Variants in MEI1 observed in about 807,000 individuals in gnomAD.
MEI1 encodes the protein meiotic double-stranded break formation protein 1, also known as meiosis inhibitor protein 1.
Under a neutral mutation model 146.2 loss-of-function variants are expected in MEI1, and 103 were observed. That is an observed-to-expected ratio of 0.70 (90% confidence interval 0.60 to 0.83). The LOEUF (loss-of-function observed/expected upper bound fraction) is 0.83, where lower values mean the gene tolerates loss of function less well. Among genes scored for constraint, MEI1 ranks in the 40% least tolerant of loss-of-function variants. MEI1 has a pLI of 0.00. For synonymous variants in MEI1, 652 were observed against 628.2 expected, an observed-to-expected ratio of 1.04 and a Z score of -0.57; for missense variants, 1,529 against 1,533.0, an observed-to-expected ratio of 1.00 and a Z score of 0.04.
intron 19 of MEI1, among the ~76,000 whole-genome samples, chr22:41,765,986 G>C (rs975932339): frequency 6.8e-6 from 1 of 147,540 alleles, no homozygotes; most frequent in African/African-American, 2.5e-5. Flanking sequence ...CGCCTCCCGG[G>C]TTCATACCAT....
intron 6 of MEI1, among the ~76,000 whole-genome samples, chr22:41,718,631 G>A (rs1003206248): frequency 2.6e-5 from 4 of 152,156 alleles, no homozygotes; most frequent in Admixed American, 6.6e-5. Flanking sequence ...CTGGCCTCCA[G>A]GGTAAAGCCT....
At chr22:41,723,024 G>T (rs1004840898) in intron 6 of MEI1, among the ~76,000 whole-genome samples, 1 of 152,030 alleles carries the variant, frequency 6.6e-6, no homozygotes. Flanking sequence ...GTTGTTCTCT[G>T]TATCTGGAAT....
chr22:41,794,400 C>T lies in MEI1; in HGVS notation c.3457C>T (p.Arg1153Trp), dbSNP rs1308374741. Residue 1153 changes from arginine (R) to tryptophan (W), a missense_variant, in exon 28 of 31, where the codon CGG (arginine) becomes TGG (tryptophan). Transcript: ENST00000401548. ...ALHVASQPWN[R>W]FLLFTLLDAG... is the part of the protein sequence containing the mutation. ...CCACGTGGCCTCCCAGCCTTGGAATCGGTTTTTGCTGTTTACCCTCTTGGA... is the reference window on the plus strand; with the variant it reads ...CCACGTGGCCTCCCAGCCTTGGAATTGGTTTTTGCTGTTTACCCTCTTGGA... 2.5e-6 allele frequency: 4 copies of T among 1,613,862 alleles called. No individual in the cohort carries two copies. Among genetic ancestry groups the T allele is most frequent in the South Asian group, 1.1e-5 (1 of 91,080 alleles).
chr22:41,796,181 T>C (rs1174830217), intron 30 of MEI1, among the ~76,000 whole-genome samples: 1 of 151,962 alleles, frequency 6.6e-6, no homozygotes, highest in Non-Finnish European at 1.5e-5. Context: ...ATTTTACATA[T>C]ATATATATTT....
At chr22:41,766,267 G>A (rs2074849659) in intron 19 of MEI1, among the ~76,000 whole-genome samples, 2 of 151,766 alleles carry the variant, frequency 1.3e-5, no homozygotes, top group African/African-American at 4.8e-5. Flanking sequence ...TCTGCCTCGG[G>A]TTCAAGCAAT....
rs201189446 is a variant in MEI1, at chr22:41,717,913, GT to G, written c.530-155del. Among the ~76,000 whole-genome samples, 874 of 152,306 alleles carry G rather than the reference GT, an allele frequency of 5.7e-3. 7 individuals are homozygous for G. The highest frequency in any genetic ancestry group is 0.02 in the African/African-American group (826 of 41,560). ...TTACAGGTGTGAGTTACTGTGCCCA[GT>G]TTGGTTTTGCCTTTAGATTAAGCAT... is the stretch of plus-strand genomic sequence containing the variant. On this transcript the variant is annotated intron_variant, in intron 5 of 30. Coordinates refer to ENST00000401548, the MANE Select transcript of MEI1 (RefSeq NM_152513.4).
chr22:41,787,264 G>T (rs2076024633), intron 26 of MEI1, among the ~76,000 whole-genome samples: 1 of 152,092 alleles, frequency 6.6e-6, no homozygotes, highest in Admixed American at 6.6e-5. Context: ...TAGAATATTG[G>T]CTGGGACTCT....
At chr22:41,724,640 C>CTGGGCG (rs1203655757) in intron 7 of MEI1, among the ~76,000 whole-genome samples, 5 of 147,758 alleles carry the variant, frequency 3.4e-5, no homozygotes, top group Non-Finnish European at 7.5e-5. Flanking sequence ...AAAAAATTAG[C>CTGGGCG]TGGGCGTGGG....
intron 3 of MEI1, among the ~76,000 whole-genome samples, chr22:41,711,186 T>C (rs942837003): frequency 6.6e-6 from 1 of 152,158 alleles, no homozygotes; most frequent in Non-Finnish European, 1.5e-5. Flanking sequence ...TTTTTTTCTT[T>C]TTTTTTGAGA....
chr22:41,703,937 G>T (rs930599258), intron 2 of MEI1, among the ~76,000 whole-genome samples: 2 of 152,170 alleles, frequency 1.3e-5, no homozygotes, highest in African/African-American at 4.8e-5. Context: ...AGTGAGACCA[G>T]TTCGTGCCAC....
chr22:41,745,557 C>T (rs973421615), intron 13 of MEI1, among the ~76,000 whole-genome samples: 3 of 151,858 alleles, frequency 2.0e-5, no homozygotes, highest in South Asian at 2.1e-4. Context: ...TTCAAGAATC[C>T]GGGGAAGGTA....
chr22:41,722,508 A>G (rs1012094801), intron 6 of MEI1, among the ~76,000 whole-genome samples: 2 of 131,156 alleles, frequency 1.5e-5, no homozygotes, highest in African/African-American at 6.0e-5. Flanking sequence ...GGGTCCCACT[A>G]TGCTCATAAG....
intron 7 of MEI1, among the ~76,000 whole-genome samples, chr22:41,725,971 G>A (rs1056050069): frequency 2.0e-5 from 3 of 152,196 alleles, no homozygotes; most frequent in Non-Finnish European, 4.4e-5. Flanking sequence ...AAGAGGAGGA[G>A]GAGCTCTGGT....
chr22:41,747,238 T>G (rs1403492781), intron 14 of MEI1: 3 of 121,030 alleles, frequency 2.5e-5, no homozygotes, highest in Non-Finnish European at 4.8e-5. Context: ...ACCCTGTTTC[T>G]TTTTTTTTTT....
rs1294668281 is a variant in MEI1 at position 41,703,460 on chromosome 22, A to C, written c.298+6A>C. The stretch of plus-strand genomic sequence containing the variant: ...CTTCATAAGTGTGCTTTTTGGTAAG[A>C]TTAAGAGGGAAATTTGACATGAGTT... On this transcript the variant is annotated splice_donor_region_variant and intron_variant, in intron 2 of 30. Transcript: ENST00000401548. 7 of 1,557,704 alleles carry C rather than the reference A, an allele frequency of 4.5e-6. No individual in the cohort carries two copies. Among genetic ancestry groups the C allele is most frequent in the Non-Finnish European group, 5.2e-6 (6 of 1,152,186 alleles).
intron 3 of MEI1, among the ~76,000 whole-genome samples, chr22:41,710,929 T>C (rs1173070897): frequency 2.0e-5 from 3 of 152,300 alleles, no homozygotes; most frequent in South Asian, 2.1e-4. Context: ...GCCCAGCGCA[T>C]AGCCTCCAGC....
At chr22:41,738,139 A>G (rs2072542481) in intron 11 of MEI1, among the ~76,000 whole-genome samples, 1 of 151,728 alleles carries the variant, frequency 6.6e-6, no homozygotes. Context: ...ACATAGCGCC[A>G]CCCCATCCCT....
intron 22 of MEI1, chr22:41,779,016 C>T: frequency 5.8e-6 from 3 of 518,912 alleles, no homozygotes; most frequent in South Asian, 4.3e-5. Flanking sequence ...TGGGAGACAC[C>T]CTACCTCTGC....
At position 41,699,605 on chromosome 22, in the gene MEI1, C is replaced by T. The variant is rs2068533916; in HGVS notation, c.67C>T (p.Leu23=). 2 of 1,612,536 alleles carry T rather than the reference C, an allele frequency of 1.2e-6. No homozygotes were observed. Among genetic ancestry groups the T allele is most frequent in the African/African-American group, 2.7e-5 (2 of 74,916 alleles). ...GPRREEEAAL[L]FERAHYRHDP... ...CAGGAGAGAGGAAGAGGCGGCGCTT[C>T]TATTCGAGAGGGCCCATTACCGGCA... Residue 23 remains leucine (L), a synonymous_variant, in exon 1 of 31, where the codon CTA becomes TTA. Transcript: ENST00000401548.
Sources: gnomAD v4.1 joint callset for allele counts (sites outside exome capture counted in the v4.1 genomes callset) on GRCh38, gnomAD v4.1.1 for gene constraint, MANE v1.5 for transcripts, NCBI Gene and HGNC (gene_info 2026-07-23, HGNC 2026-07-21) for gene names.